Variants in EHMT1 observed in about 807,000 individuals in gnomAD.
The protein encoded by EHMT1 is histone-lysine N-methyltransferase EHMT1.
A neutral mutation model predicts 147.2 loss-of-function variants in EHMT1; 15 were observed. The observed-to-expected ratio is 0.10, with a 90% CI of 0.07 to 0.16. The LOEUF (loss-of-function observed/expected upper bound fraction) is 0.16, where lower values mean the gene tolerates loss of function less well. Among genes scored for constraint, EHMT1 ranks in the 10% least tolerant of loss-of-function variants. EHMT1 has a pLI of 1.00. For synonymous variants in EHMT1, 795 were observed against 709.6 expected, an observed-to-expected ratio of 1.12 and a Z score of -1.91; for missense variants, 1,587 against 1,772.4, an observed-to-expected ratio of 0.90 and a Z score of 1.88.
intron 9 of EHMT1, among the ~76,000 whole-genome samples, chr9:137,758,540 A>G (rs1225366353): frequency 1.3e-5 from 2 of 152,196 alleles, no homozygotes; most frequent in Non-Finnish European, 2.9e-5. Context: ...CACACTTTCT[A>G]TCAGTTTTTT....
chr9:137,809,281 C>G (rs1037814889), intron 18 of EHMT1, among the ~76,000 whole-genome samples: 4 of 152,166 alleles, frequency 2.6e-5, no homozygotes, highest in African/African-American at 9.7e-5. Context: ...GAAGGGTTGA[C>G]GGTGCTGCAC....
intron 9 of EHMT1, among the ~76,000 whole-genome samples, chr9:137,761,726 G>A (rs751138317): frequency 3.9e-5 from 6 of 152,128 alleles, no homozygotes; most frequent in Admixed American, 1.3e-4. Flanking sequence ...CAAAGTGCTG[G>A]GATTACAGGC....
intron 1 of EHMT1, among the ~76,000 whole-genome samples, chr9:137,707,712 T>G (rs1944385171): frequency 6.6e-6 from 1 of 152,168 alleles, no homozygotes; most frequent in African/African-American, 2.4e-5. Flanking sequence ...CTTAATTTCG[T>G]GGGTAGGATT....
Position 137,782,331 on chromosome 9 carries a change from T to C in EHMT1, c.2316T>C (p.Asn772=). 1 of 1,613,656 alleles carries C rather than the reference T, an allele frequency of 6.2e-7. No individual in the cohort carries two copies. The highest frequency in any genetic ancestry group is 8.5e-7 in the Non-Finnish European group (1 of 1,179,964). ...CCAACTTCAAAATGGAGCACCAGAA[T>C]AAGCGCTCTCCACTGCACGCCGCGG... is the stretch of plus-strand genomic sequence containing the variant. ...IDPNFKMEHQ[N]KRSPLHAAAE... Residue 772 remains asparagine (N), a synonymous_variant, in exon 15 of 27, where the codon AAT becomes AAC. Transcript: ENST00000460843. This position sits in a 1 kb window ranked among gnomAD's most constrained non-coding sequence, Gnocchi z 5.7.
Position 137,752,365 on chromosome 9 carries a change from TGGACACCGG to T in EHMT1, c.1209_1217del (p.Asp403_Gly405del). ...GAGTCCGAGGAGGAGCAGGAGTCCG[TGGACACCGG>T]GGAGGAGGAGGAAGGCGGTGACGAG... On this transcript the variant is annotated inframe_deletion, in exon 7 of 27. Transcript: ENST00000460843. The T allele has an allele frequency of 6.2e-7, 1 of 1,614,190 alleles. No individual in the cohort carries two copies. Among genetic ancestry groups the T allele is most frequent in the Non-Finnish European group, 8.5e-7 (1 of 1,180,018 alleles).
chr9:137,757,774 TAGA>T (rs1185017666), intron 8 of EHMT1, 103 bp from the exon 9 acceptor site: 1 of 1,541,358 alleles, frequency 6.5e-7, no homozygotes, highest in African/African-American at 1.4e-5. Context: ...ATGGATTAAT[TAGA>T]AGTAGTCCAT....
At chr9:137,644,046 T>A (rs776723275) in intron 1 of EHMT1, among the ~76,000 whole-genome samples, 1 of 152,226 alleles carries the variant, frequency 6.6e-6, no homozygotes, top group South Asian at 2.1e-4. Flanking sequence ...CGCTCCTCCC[T>A]TCTTGTTTTG....
chr9:137,788,494 A>G (rs1178136437), intron 15 of EHMT1: 1 of 162,204 alleles, frequency 6.2e-6, no homozygotes, highest in Non-Finnish European at 1.3e-5. Flanking sequence ...GGTGTAGGGA[A>G]GTTGCAGGTG....
intron 17 of EHMT1, chr9:137,800,625 C>T (rs545826199): frequency 8.8e-4 from 482 of 550,686 alleles, no homozygotes; most frequent in Non-Finnish European, 9.6e-4. Flanking sequence ...AGGCCGACAG[C>T]ACAGGGCATG....
intron 1 of EHMT1, among the ~76,000 whole-genome samples, chr9:137,680,620 A>C (rs1166857796): frequency 6.6e-6 from 1 of 152,230 alleles, no homozygotes; most frequent in Non-Finnish European, 1.5e-5. Flanking sequence ...CTGTTTGTCC[A>C]TTGTGAGATG....
chr9:137,693,683 CA>C (rs1372940054), intron 1 of EHMT1, among the ~76,000 whole-genome samples: 39 of 22,964 alleles, frequency 1.7e-3, no homozygotes, highest in African/African-American at 7.8e-3. Context: ...ACCCCCCACA[CA>C]GTGGCTCAGG....
chr9:137,676,739 C>T (rs1941377757), intron 1 of EHMT1, among the ~76,000 whole-genome samples: 1 of 152,184 alleles, frequency 6.6e-6, no homozygotes, highest in Non-Finnish European at 1.5e-5. Flanking sequence ...GACTGGAGCC[C>T]ACATGCGCAC....
chr9:137,760,194 G>A (rs1441241477), intron 9 of EHMT1, among the ~76,000 whole-genome samples: 1 of 152,118 alleles, frequency 6.6e-6, no homozygotes, highest in East Asian at 1.9e-4. Context: ...CAGTCAGTTC[G>A]TTTGATGTCC....
Position 137,710,451 on chromosome 9 carries a change from C to T in EHMT1, c.22-516C>T, listed in dbSNP as rs148580369. The stretch of plus-strand genomic sequence containing the variant: ...TCGCGCCACTGTACTCCAGCCTGGG[C>T]GAGAGAGTGAACTCTGTCTCAACAA... On this transcript the variant is annotated intron_variant, in intron 1 of 26. Transcript: ENST00000460843. Among the ~76,000 whole-genome samples the T allele has an allele frequency of 5.3e-3, 810 of 152,220 alleles. 6 individuals are homozygous for T. Among genetic ancestry groups the T allele is most frequent in the African/African-American group, 0.018 (747 of 41,532 alleles).
At position 137,715,625 on chromosome 9, in the gene EHMT1, T is replaced by C. The variant is rs1389828725; in HGVS notation, c.86-1001T>C. 4.1e-6 allele frequency: 4 copies of C among 985,306 alleles called. No individual in the cohort carries two copies. The East Asian group carries it at 4.5e-4, about 112-fold the overall frequency. 61.0% of individuals were successfully genotyped at this position (985,306 alleles called of 1,614,324 possible). ...ATCGCAGGCTTCCTGCCTCAGCCTGTCCTGAGCTGAGTGTGTGTGTCAATC... is the reference window on the plus strand; with the variant it reads ...ATCGCAGGCTTCCTGCCTCAGCCTGCCCTGAGCTGAGTGTGTGTGTCAATC... On this transcript the variant is annotated intron_variant, in intron 2 of 26. Coordinates refer to ENST00000460843, the MANE Select transcript of EHMT1 (RefSeq NM_024757.5).
In EHMT1 at chr9:137,731,020, G is replaced by C. The variant is rs1947063812; in HGVS notation, c.823+2491G>C. ...AGGACTTAAAAGTAATGTCTGAAGA[G>C]TTGTTAAAGTGTTGAGATTTTCTTT... On this transcript the variant is annotated intron_variant, in intron 4 of 26. Transcript: ENST00000460843. The surrounding 1 kb of genome is among the most constrained non-coding windows in gnomAD (Gnocchi z 4.3). 6.6e-6 allele frequency among the ~76,000 whole-genome samples: 1 copy of C among 152,256 alleles called. No individual in the cohort carries two copies. The highest frequency in any genetic ancestry group is 2.1e-4 in the South Asian group (1 of 4,836).
rs534856943 is a variant in EHMT1 at position 137,798,798 on chromosome 9, G to A, written c.2506-15G>A. On this transcript the variant is annotated splice_polypyrimidine_tract_variant and intron_variant, in intron 16 of 26. Coordinates refer to ENST00000460843, the MANE Select transcript of EHMT1 (RefSeq NM_024757.5). ...CAGGTATGGATTCTTTGACTAAGTG[G>A]CATTTCTGTTGCAGGACGCAGAGGG... The A allele has an allele frequency of 1.7e-5, 27 of 1,608,946 alleles. No individual in the cohort carries two copies. The East Asian group carries it at 5.4e-4, about 32-fold the overall frequency.
Position 137,736,300 on chromosome 9 carries a change from G to A in EHMT1, c.824-7071G>A, listed in dbSNP as rs190559322. ...CTGGGTAAACATTTACATACCCAACGAATGATAGACTATCAAGATACAAGA... is the reference window on the plus strand; with the variant it reads ...CTGGGTAAACATTTACATACCCAACAAATGATAGACTATCAAGATACAAGA... On this transcript the variant is annotated intron_variant, in intron 4 of 26. Transcript: ENST00000460843. Among the ~76,000 whole-genome samples, 70 of 152,312 alleles carry A rather than the reference G, an allele frequency of 4.6e-4. No homozygotes were observed. The East Asian group carries it at 5.6e-3, about 12-fold the overall frequency.
At chr9:137,661,155 A>T (rs894581005) in intron 1 of EHMT1, among the ~76,000 whole-genome samples, 31 of 152,222 alleles carry the variant, frequency 2.0e-4, no homozygotes, top group African/African-American at 7.2e-4. Context: ...TTGCAAAAAT[A>T]ATACATAGAA....
Sources: gnomAD v4.1 joint callset for allele counts (sites outside exome capture counted in the v4.1 genomes callset) on GRCh38, gnomAD v4.1.1 for gene constraint, Gnocchi (gnomAD v3.1) non-coding constraint, MANE v1.5 for transcripts, NCBI Gene and HGNC (gene_info 2026-07-23, HGNC 2026-07-21) for gene names.